The following PDE8B variants were observed in gnomAD, a reference collection of about 807,000 sequenced individuals.
PDE8B encodes phosphodiesterase 8B.
PDE8B carries 26 observed loss-of-function variants against 101.3 expected under a neutral mutation model. The ratio of observed to expected loss-of-function variants is 0.26; its 90% CI spans 0.19 to 0.36. The LOEUF is 0.36. PDE8B is among the 10% of genes least tolerant of loss of function. PDE8B has a pLI of 1.00. For missense variants in PDE8B, 810 were observed against 1,163.1 expected, an observed-to-expected ratio of 0.70 and a Z score of 4.42; for synonymous variants, 424 against 429.3, an observed-to-expected ratio of 0.99 and a Z score of 0.15.
At chr5:77,370,333 A>C (rs58983706) in intron 10 of PDE8B, among the ~76,000 whole-genome samples, 13,724 of 152,212 alleles carry the variant, frequency 0.09, 1,961 homozygotes, top group African/African-American at 0.3. Flanking sequence ...CCCAGTCCTC[A>C]GAAGAAACCA....
intron 1 of PDE8B, among the ~76,000 whole-genome samples, chr5:77,275,640 C>A (rs1763705269): frequency 6.6e-6 from 1 of 152,202 alleles, no homozygotes; most frequent in Non-Finnish European, 1.5e-5. Flanking sequence ...GCTTTAATTG[C>A]TGCACAATTC....
At chr5:77,297,993 G>A (rs966990540) in intron 1 of PDE8B, among the ~76,000 whole-genome samples, 3 of 152,148 alleles carry the variant, frequency 2.0e-5, no homozygotes, top group African/African-American at 7.2e-5. Context: ...CAGACTGTGG[G>A]CTTTTTGAAG....
chr5:77,192,069 G>A, the PDE8B span, among the ~76,000 whole-genome samples: 1 of 152,190 alleles, frequency 6.6e-6, no homozygotes, highest in African/African-American at 2.4e-5. Flanking sequence ...TAATGTGAGT[G>A]AGGGGCAGTG....
At chr5:77,129,338 G>A in the PDE8B span, among the ~76,000 whole-genome samples, 10 of 151,918 alleles carry the variant, frequency 6.6e-5, no homozygotes, top group Non-Finnish European at 1.0e-4. Flanking sequence ...ATAAATCCCC[G>A]TGTCCCCATC....
chr5:77,115,806 G>A, the PDE8B span, among the ~76,000 whole-genome samples: 1 of 152,180 alleles, frequency 6.6e-6, no homozygotes, highest in Non-Finnish European at 1.5e-5. Context: ...TCTTGACGCT[G>A]GAGGTACAGT....
At chr5:77,248,418 T>G (rs984107973) in intron 1 of PDE8B, among the ~76,000 whole-genome samples, 2 of 151,154 alleles carry the variant, frequency 1.3e-5, no homozygotes. Context: ...CCTCAAGAAT[T>G]AAGAAACCCC....
chr5:77,409,466 A>G (rs572843698), intron 14 of PDE8B, among the ~76,000 whole-genome samples: 1 of 152,308 alleles, frequency 6.6e-6, no homozygotes, highest in Non-Finnish European at 1.5e-5. Context: ...TTGTTAGACT[A>G]TAGCATTTAA....
rs532821027 is a variant in PDE8B, at chr5:77,337,269, C to T, written c.751C>T (p.Leu251=). The T allele has an allele frequency of 3.1e-6, 5 of 1,600,990 alleles. No homozygotes were observed. Among genetic ancestry groups the T allele is most frequent in the African/African-American group, 2.7e-5 (2 of 74,824 alleles). ...CAGCATAATTGCTTGCTATAATGAA[C>T]TGATTCAAATAGAACATGGGGAAGT... is the stretch of plus-strand genomic sequence containing the variant. The part of the protein sequence containing the change: ...NSSIIACYNE[L]IQIEHGEVRS... The change falls in exon 6 of 22, where the codon CTG becomes TTG. Residue 251 remains leucine (L), a synonymous_variant. Coordinates refer to ENST00000264917, the MANE Select transcript of PDE8B (RefSeq NM_003719.5).
At chr5:77,347,958 C>G (rs1561562230) in intron 7 of PDE8B, among the ~76,000 whole-genome samples, 1 of 152,072 alleles carries the variant, frequency 6.6e-6, no homozygotes, top group Non-Finnish European at 1.5e-5. Context: ...AGGGAGGGCC[C>G]TGAGTACTAC....
chr5:77,286,705 T>C (rs1220551187), intron 1 of PDE8B, among the ~76,000 whole-genome samples: 2 of 152,252 alleles, frequency 1.3e-5, no homozygotes, highest in Admixed American at 6.5e-5. Flanking sequence ...ATTAGTCATG[T>C]ATTTGCATTT....
At chr5:77,390,777 G>T (rs1224912889) in intron 10 of PDE8B, among the ~76,000 whole-genome samples, 1 of 152,198 alleles carries the variant, frequency 6.6e-6, no homozygotes, top group Non-Finnish European at 1.5e-5. Context: ...CCCTTCTGGG[G>T]CTTCACTGTA....
intron 10 of PDE8B, among the ~76,000 whole-genome samples, chr5:77,391,401 C>T (rs1319527893): frequency 2.0e-5 from 3 of 152,166 alleles, no homozygotes; most frequent in Admixed American, 6.5e-5. Context: ...AGAGTCTCTG[C>T]TTGTAGAGCA....
intron 6 of PDE8B, among the ~76,000 whole-genome samples, chr5:77,341,867 A>T (rs1252884964): frequency 6.6e-6 from 1 of 152,230 alleles, no homozygotes; most frequent in African/African-American, 2.4e-5. Flanking sequence ...AGTTCAAATT[A>T]GGTAGACTGG....
At chr5:77,375,385 C>A (rs1264758362) in intron 10 of PDE8B, among the ~76,000 whole-genome samples, 1 of 152,160 alleles carries the variant, frequency 6.6e-6, no homozygotes, top group African/African-American at 2.4e-5. Context: ...CTGGACAGAA[C>A]CAAAACTTTG....
chr5:77,339,437 C>T (rs751193570), intron 6 of PDE8B, among the ~76,000 whole-genome samples: 1 of 152,084 alleles, frequency 6.6e-6, no homozygotes, highest in Non-Finnish European at 1.5e-5. Flanking sequence ...AAGTTATCGC[C>T]CTTTTGGGTG....
chr5:77,208,895 G>A (rs570409814), upstream of PDE8B, among the ~76,000 whole-genome samples: 1 of 152,298 alleles, frequency 6.6e-6, no homozygotes, highest in East Asian at 1.9e-4. Context: ...CAACTCTGAA[G>A]CATCATCCCA....
intron 2 of PDE8B, among the ~76,000 whole-genome samples, chr5:77,318,011 G>T (rs1477411309): frequency 1.6e-5 from 2 of 126,342 alleles, no homozygotes; most frequent in Admixed American, 9.8e-5. Flanking sequence ...AGCCAAGATC[G>T]CACCATTGCA....
chr5:77,404,879 T>C, intron 12 of PDE8B, 82 bp downstream of exon 12: 1 of 869,438 alleles, frequency 1.2e-6, no homozygotes, highest in Non-Finnish European at 1.9e-6. Flanking sequence ...CATCAGCGTA[T>C]AAACTCCAAA....
chr5:77,304,975 T>C (rs577612060), intron 1 of PDE8B, among the ~76,000 whole-genome samples: 12 of 152,248 alleles, frequency 7.9e-5, no homozygotes, highest in African/African-American at 2.9e-4. Context: ...TGGGTGGGTG[T>C]TGTTACCTTC....
Sources: allele counts gnomAD v4.1 joint callset (sites outside exome capture counted in the v4.1 genomes callset), GRCh38; gene constraint gnomAD v4.1.1; transcripts MANE v1.5; gene names NCBI Gene and HGNC (gene_info 2026-07-23, HGNC 2026-07-21).